MEIKIN: variants seen among roughly 807,000 people sequenced by gnomAD.
MEIKIN encodes the protein meiotic kinetochore factor.
At chr5:131,945,079 G>C (rs574862989) in intron 2 of MEIKIN, 77 bp downstream of exon 2, 2 of 399,004 alleles carry the variant, frequency 5.0e-6, no homozygotes, top group South Asian at 2.6e-4. Flanking sequence ...TAGAATAAAA[G>C]GCTACTAGCA....
At position 131,908,534 on chromosome 5, in the gene MEIKIN, A is replaced by T. The variant is rs183318292; in HGVS notation, c.703+3281T>A. ...AAACCTGGAAGAAGACACGATGCTC[A>T]CTTTCACCATTATTATTCAACATAG... On this transcript the variant is annotated intron_variant, in intron 8 of 12. Transcript: ENST00000442687. Among the ~76,000 whole-genome samples the T allele has an allele frequency of 1.4e-3, 217 of 152,298 alleles. 1 individual carries two copies. The highest frequency in any genetic ancestry group is 3.4e-3 in the Middle Eastern group (1 of 294).
intron 9 of MEIKIN, among the ~76,000 whole-genome samples, chr5:131,859,469 A>T (rs1286340559): frequency 6.6e-6 from 1 of 152,154 alleles, no homozygotes; most frequent in Non-Finnish European, 1.5e-5. Context: ...CTCTTGATAG[A>T]GTGAGTTCTT....
chr5:131,936,007 T>A (rs1751770341), intron 4 of MEIKIN, among the ~76,000 whole-genome samples: 1 of 152,172 alleles, frequency 6.6e-6, no homozygotes, highest in African/African-American at 2.4e-5. Flanking sequence ...ATCCTTCCCA[T>A]CCACATATTG....
rs116401658 is a variant in MEIKIN, at chr5:131,906,696, T to C, written c.703+5119A>G. 4.0e-4 allele frequency among the ~76,000 whole-genome samples: 61 copies of C among 152,256 alleles called. 1 individual carries two copies. The highest frequency in any genetic ancestry group is 8.2e-4 in the Non-Finnish European group (56 of 68,004). On this transcript the variant is annotated intron_variant, in intron 8 of 12. Coordinates refer to ENST00000442687, the MANE Select transcript of MEIKIN (RefSeq NM_001303622.2). ...AATGCCATGCAGTCATACAAAAGAA[T>C]AAGAATATGTCCTCAGCAGTAACGC... is the stretch of plus-strand genomic sequence containing the variant.
At chr5:131,899,246 A>C (rs573317408) in intron 8 of MEIKIN, among the ~76,000 whole-genome samples, 3 of 152,336 alleles carry the variant, frequency 2.0e-5, no homozygotes, top group African/African-American at 7.2e-5. Flanking sequence ...GTTTATGCAA[A>C]CAATGTTAAG....
At chr5:131,849,429 A>G (rs1402780345) in intron 11 of MEIKIN, among the ~76,000 whole-genome samples, 5 of 92,340 alleles carry the variant, frequency 5.4e-5, no homozygotes, top group Admixed American at 4.5e-4. Context: ...TTCTTTATAT[A>G]TATAAAGAAA....
intron 3 of MEIKIN, chr5:131,944,302 G>GT (rs1561762440): frequency 6.2e-6 from 1 of 161,210 alleles, no homozygotes; most frequent in Non-Finnish European, 1.3e-5. Context: ...AGAATGCTCT[G>GT]TAACATATTA....
At chr5:131,845,649 A>G (rs1750006616) in intron 11 of MEIKIN, among the ~76,000 whole-genome samples, 1 of 152,010 alleles carries the variant, frequency 6.6e-6, no homozygotes, top group Admixed American at 6.5e-5. Context: ...ACAATAACTG[A>G]AAGGAAAAAT....
intron 7 of MEIKIN, among the ~76,000 whole-genome samples, 159 bp downstream of exon 7, chr5:131,916,727 A>G (rs921557704): frequency 1.3e-5 from 2 of 152,228 alleles, no homozygotes; most frequent in Non-Finnish European, 2.9e-5. Flanking sequence ...TTTGTTCACT[A>G]CTATATCTCT....
chr5:131,921,870 C>T lies in MEIKIN; in HGVS notation c.550G>A (p.Val184Ile). 1 of 399,006 alleles carries T rather than the reference C, an allele frequency of 2.5e-6. No individual in the cohort carries two copies. The highest frequency in any genetic ancestry group is 4.4e-6 in the Non-Finnish European group (1 of 226,048). The allele number at this position is 399,006 out of a possible 1,614,324, so 24.7% of individuals were successfully genotyped here. Reference sequence around the variant, plus strand: ...AACTGTGGTGCCTTCTCTATCGCTACTGCTTTACTGGTATCCAGAAGAGTA... The same window carrying T: ...AACTGTGGTGCCTTCTCTATCGCTATTGCTTTACTGGTATCCAGAAGAGTA... The part of the protein sequence containing the change: ...NSTLLDTSKA[V>I]AIEKAPQFSN... Residue 184 changes from valine to isoleucine, a missense_variant, in exon 6 of 13, where the codon GTA (valine) becomes ATA (isoleucine). Transcript: ENST00000442687.
rs138183388 is a variant in MEIKIN at position 131,936,481 on chromosome 5, T to C, written c.350-2840A>G. On this transcript the variant is annotated intron_variant, in intron 4 of 12. Transcript: ENST00000442687. ...GCCAAGCCCTATACTGTGGGCCACA[T>C]TCATCACCTTTTTGCTACAATTTCT... 4.4e-3 allele frequency among the ~76,000 whole-genome samples: 671 copies of C among 152,354 alleles called. 12 individuals carry two copies. Among genetic ancestry groups the C allele is most frequent in the African/African-American group, 0.016 (652 of 41,580 alleles).
intron 9 of MEIKIN, among the ~76,000 whole-genome samples, chr5:131,871,850 T>C (rs1183780420): frequency 6.6e-6 from 1 of 152,152 alleles, no homozygotes; most frequent in Non-Finnish European, 1.5e-5. Flanking sequence ...CAATATCCGA[T>C]GTTCTGCAGC....
At chr5:131,848,441 C>A (rs1257941282) in intron 11 of MEIKIN, among the ~76,000 whole-genome samples, 1 of 151,902 alleles carries the variant, frequency 6.6e-6, no homozygotes, top group African/African-American at 2.4e-5. Context: ...TAAACAAATA[C>A]CTATAAACAC....
intron 9 of MEIKIN, among the ~76,000 whole-genome samples, chr5:131,871,673 G>C (rs1001124737): frequency 5.9e-5 from 9 of 152,322 alleles, no homozygotes; most frequent in Non-Finnish European, 1.2e-4. Flanking sequence ...CACGCAGCTT[G>C]AGATCTGAGA....
intron 12 of MEIKIN, among the ~76,000 whole-genome samples, chr5:131,816,453 G>A (rs765836756): frequency 3.9e-5 from 6 of 152,134 alleles, no homozygotes; most frequent in Non-Finnish European, 7.4e-5. Context: ...AAGTTTATCT[G>A]AACAAAAAGA....
Position 131,945,426 on chromosome 5 carries a change from G to A in MEIKIN, c.80C>T (p.Ser27Phe). The change falls in exon 1 of 13, where the codon TCT becomes TTT. Residue 27 changes from serine (S) to phenylalanine (F), a missense_variant. Coordinates refer to ENST00000442687, the MANE Select transcript of MEIKIN (RefSeq NM_001303622.2). ...LNLTPTPDLG[S>F]PAKAEAPPGS... ...TGGCGGGGCCTCGGCCTTCGCTGGA[G>A]AGCCTAGGTCTGGCGTCGGGGTGAG... is the stretch of plus-strand genomic sequence containing the variant. 1 of 399,296 alleles carries A rather than the reference G, an allele frequency of 2.5e-6. No individual in the cohort carries two copies. The highest frequency in any genetic ancestry group is 4.4e-6 in the Non-Finnish European group (1 of 226,214). 24.7% of individuals were successfully genotyped at this position (399,296 alleles called of 1,614,324 possible). A position where few individuals can be genotyped will look rare whatever the true frequency, so the allele number is the denominator to read the frequency against.
At chr5:131,900,887 C>A (rs553154638) in intron 8 of MEIKIN, among the ~76,000 whole-genome samples, 1 of 152,286 alleles carries the variant, frequency 6.6e-6, no homozygotes, top group African/African-American at 2.4e-5. Context: ...ATGCCCTCCC[C>A]CTGCTGCAGC....
intron 11 of MEIKIN, among the ~76,000 whole-genome samples, chr5:131,845,844 A>G (rs930104003): frequency 6.6e-6 from 1 of 152,198 alleles, no homozygotes; most frequent in Non-Finnish European, 1.5e-5. Flanking sequence ...CCCAGAAGGA[A>G]AAGAATGAGA....
intron 11 of MEIKIN, among the ~76,000 whole-genome samples, chr5:131,821,926 C>G (rs910159243): frequency 2.6e-5 from 4 of 152,048 alleles, no homozygotes; most frequent in African/African-American, 9.7e-5. Context: ...CACCCAGCCT[C>G]TCTCTTTAGC....
Sources: gnomAD v4.1 joint callset for allele counts (sites outside exome capture counted in the v4.1 genomes callset) on GRCh38, gnomAD v4.1.1 for gene constraint, MANE v1.5 for transcripts, NCBI Gene and HGNC (gene_info 2026-07-23, HGNC 2026-07-21) for gene names.